LRCH1: variants seen among roughly 807,000 people sequenced by gnomAD.
LRCH1 encodes leucine-rich repeat and calponin homology domain-containing protein 1.
In LRCH1, 23 loss-of-function variants were observed where a neutral mutation model predicts 94.9. The observed-to-expected ratio is 0.24, with a 90% CI of 0.17 to 0.34. LRCH1 has a LOEUF of 0.34. Among genes scored for constraint, LRCH1 ranks in the 10% least tolerant of loss-of-function variants. The pLI is 1.00. For synonymous variants in LRCH1, 364 were observed against 354.9 expected (o/e 1.03, Z -0.29); for missense variants, 790 against 945.9 (o/e 0.84, Z 2.16).
intron 16 of LRCH1, among the ~76,000 whole-genome samples, chr13:46,723,001 A>G (rs1255381376): frequency 6.6e-6 from 1 of 152,236 alleles, no homozygotes; most frequent in East Asian, 1.9e-4. Context: ...ATTATCACTG[A>G]AAAATACAGC....
chr13:46,585,773 C>A (rs1227862820), intron 1 of LRCH1, among the ~76,000 whole-genome samples: 1 of 151,886 alleles, frequency 6.6e-6, no homozygotes, highest in African/African-American at 2.4e-5. Context: ...CCTGCCCACC[C>A]CCACCTTCCT....
intron 1 of LRCH1, among the ~76,000 whole-genome samples, chr13:46,640,158 C>G (rs2051140825): frequency 6.6e-6 from 1 of 152,190 alleles, no homozygotes. Context: ...TTCAAACTAA[C>G]TTACAGATTG....
At chr13:46,553,732 G>C (rs2050029699) in intron 1 of LRCH1, 29 bp downstream of exon 1, 3 of 1,601,834 alleles carry the variant, frequency 1.9e-6, no homozygotes, top group Non-Finnish European at 2.6e-6. Context: ...GCGGGCAGGG[G>C]TGTGGGTGCT....
At chr13:46,705,240 C>CTTTT in intron 12 of LRCH1, 28 bp from the exon 13 acceptor site, 1 of 1,511,648 alleles carries the variant, frequency 6.6e-7, no homozygotes, top group Non-Finnish European at 9.0e-7. Flanking sequence ...CACTTTGTAT[C>CTTTT]TTTTTTTTTC....
At chr13:46,581,076 CTTGG>C in intron 1 of LRCH1, among the ~76,000 whole-genome samples, 1 of 152,162 alleles carries the variant, frequency 6.6e-6, no homozygotes, top group East Asian at 1.9e-4. Flanking sequence ...CTAGCATTAC[CTTGG>C]TTAATGAAAT....
chr13:46,655,987 C>T (rs2051365258), intron 2 of LRCH1, among the ~76,000 whole-genome samples: 3 of 152,180 alleles, frequency 2.0e-5, no homozygotes, highest in African/African-American at 7.2e-5. Context: ...AGGGCGGTCT[C>T]TTGAACAAAA....
intron 1 of LRCH1, among the ~76,000 whole-genome samples, chr13:46,581,025 T>C (rs555919619): frequency 6.6e-6 from 1 of 152,326 alleles, no homozygotes; most frequent in South Asian, 2.1e-4. Flanking sequence ...TGTTAATGGA[T>C]GTATCACTGG....
downstream of LRCH1, among the ~76,000 whole-genome samples, chr13:46,749,003 C>T (rs1470501252): frequency 1.3e-5 from 2 of 152,166 alleles, no homozygotes; most frequent in Non-Finnish European, 2.9e-5. Context: ...CTTTTAAGCA[C>T]AGAGTGCCTG....
intron 1 of LRCH1, among the ~76,000 whole-genome samples, chr13:46,617,345 T>C (rs2050822211): frequency 6.6e-6 from 1 of 152,232 alleles, no homozygotes; most frequent in East Asian, 1.9e-4. Flanking sequence ...ACTCGCTGTG[T>C]GGGCAAGTCA....
At chr13:46,562,728 A>G (rs1332390736) in intron 1 of LRCH1, among the ~76,000 whole-genome samples, 1 of 152,148 alleles carries the variant, frequency 6.6e-6, no homozygotes, top group Non-Finnish European at 1.5e-5. Context: ...GACTTGTGTG[A>G]GGCTGCCCTC....
chr13:46,728,597 CAAAG>C (rs1412416199), intron 17 of LRCH1, among the ~76,000 whole-genome samples: 2 of 152,196 alleles, frequency 1.3e-5, no homozygotes, highest in African/African-American at 2.4e-5. Context: ...TTATCACGCT[CAAAG>C]AGTGATTCCA....
chr13:46,724,975 T>C (rs764055804), intron 17 of LRCH1, among the ~76,000 whole-genome samples: 6 of 152,116 alleles, frequency 3.9e-5, no homozygotes, highest in Admixed American at 6.6e-5. Flanking sequence ...CAACAATGGA[T>C]TGGATAAAGA....
At chr13:46,558,228 A>AG (rs2050087846) in intron 1 of LRCH1, among the ~76,000 whole-genome samples, 1 of 152,242 alleles carries the variant, frequency 6.6e-6, no homozygotes, top group African/African-American at 2.4e-5. Flanking sequence ...GAAGCCACTG[A>AG]GGCCCAAGGC....
At chr13:46,564,256 A>T (rs533252608) in intron 1 of LRCH1, among the ~76,000 whole-genome samples, 2 of 152,314 alleles carry the variant, frequency 1.3e-5, no homozygotes, top group South Asian at 4.1e-4. Context: ...AGAACTTGGC[A>T]TGCATTTTCC....
At chr13:46,702,767 A>G (rs1449936010) in intron 11 of LRCH1, among the ~76,000 whole-genome samples, 4 of 152,204 alleles carry the variant, frequency 2.6e-5, no homozygotes, top group Admixed American at 6.5e-5. Flanking sequence ...GGAAAATCTC[A>G]GGCAGAACAG....
rs763355628 is a variant in LRCH1 at position 46,699,387 on chromosome 13, T to C, written c.1297T>C (p.Trp433Arg). 1.5e-5 allele frequency: 25 copies of C among 1,614,080 alleles called. No individual in the cohort carries two copies. The highest frequency in any genetic ancestry group is 1.9e-5 in the Non-Finnish European group (23 of 1,179,934). ...ELLRIEEDVHWQTEGIISSSK... is the reference protein window; with the variant it reads ...ELLRIEEDVHRQTEGIISSSK... ...GTTACGGATAGAAGAGGATGTGCAC[T>C]GGCAAACTGAGGGCATGTGAGTGCC... is the stretch of plus-strand genomic sequence containing the variant. The change falls in exon 10 of 20, where the codon TGG becomes CGG. Residue 433 changes from tryptophan to arginine, a missense_variant. Physicochemically the swap from Trp to Arg is moderately radical, Grantham distance 101. Coordinates refer to ENST00000389797, the MANE Select transcript of LRCH1 (RefSeq NM_001164211.2).
At chr13:46,700,626 G>A (rs190346615) in intron 10 of LRCH1, among the ~76,000 whole-genome samples, 1 of 152,310 alleles carries the variant, frequency 6.6e-6, no homozygotes, top group East Asian at 1.9e-4. Context: ...ATAGGGCCTG[G>A]CATGTTTTTT....
intron 2 of LRCH1, among the ~76,000 whole-genome samples, chr13:46,651,280 T>C (rs772663055): frequency 3.3e-5 from 5 of 152,212 alleles, no homozygotes; most frequent in Non-Finnish European, 4.4e-5. Flanking sequence ...GAACCAGGTA[T>C]AATGTCAGTG....
At position 46,744,648 on chromosome 13, in the gene LRCH1, C is replaced by T. The variant is rs1185693573; in HGVS notation, c.*2800C>T. The T allele has an allele frequency of 2.3e-5, 23 of 985,222 alleles. No homozygotes were observed. The highest frequency in any genetic ancestry group is 2.5e-5 in the Non-Finnish European group (21 of 829,926). The allele number at this position is 985,222 out of a possible 1,614,324, so 61.0% of individuals were successfully genotyped here. On this transcript the variant is annotated 3_prime_UTR_variant, in exon 20 of 20. Transcript: ENST00000389797. ...TTTGTTTGTAAGAAATTAAAACTAG[C>T]GCGTGGTGAGCTGGGTTATCTCTCG...
Sources: gnomAD v4.1 joint callset for allele counts (sites outside exome capture counted in the v4.1 genomes callset) on GRCh38, gnomAD v4.1.1 for gene constraint, MANE v1.5 for transcripts, NCBI Gene and HGNC (gene_info 2026-07-23, HGNC 2026-07-21) for gene names.